COL14A1: variants seen among roughly 807,000 people sequenced by gnomAD.
COL14A1 encodes collagen type XIV alpha 1 chain, also known as collagen alpha-1(XIV) chain.
A neutral mutation model predicts 230.3 loss-of-function variants in COL14A1; 136 were observed. The observed-to-expected ratio is 0.59, with a 90% CI of 0.51 to 0.68. COL14A1 has a LOEUF of 0.68. Among genes scored for constraint, COL14A1 ranks in the 30% least tolerant of loss-of-function variants. The pLI, the probability that COL14A1 is intolerant of heterozygous loss-of-function variation, is 0.00. For synonymous variants in COL14A1, 792 were observed against 784.1 expected (o/e 1.01, Z -0.17); for missense variants, 1,976 against 2,215.8 (o/e 0.89, Z 2.17).
At chr8:120,207,333 A>G (rs1283798854) in intron 10 of COL14A1, among the ~76,000 whole-genome samples, 3 of 152,196 alleles carry the variant, frequency 2.0e-5, no homozygotes, top group Non-Finnish European at 2.9e-5. Context: ...TTCTAACACA[A>G]CGTATTTTTC....
At position 120,266,924 on chromosome 8, in the gene COL14A1, G is replaced by A. The variant is rs1364056524; in HGVS notation, c.3073+41G>A. On this transcript the variant is annotated intron_variant, in intron 25 of 47. Transcript: ENST00000297848. The stretch of plus-strand genomic sequence containing the variant: ...AATAATTATCTGATTCTAGGTTTAG[G>A]ATTTGTGTTGGTTTTGTTTGCCTGT... 5 of 1,538,692 alleles carry A rather than the reference G, an allele frequency of 3.2e-6. No homozygotes were observed. The Admixed American group carries it at 6.7e-5, about 21-fold the overall frequency.
intron 2 of COL14A1, among the ~76,000 whole-genome samples, chr8:120,157,724 G>T (rs1815525712): frequency 6.6e-6 from 1 of 152,180 alleles, no homozygotes; most frequent in Non-Finnish European, 1.5e-5. Context: ...GGTGGCTTAT[G>T]CCTGTAATCC....
chr8:120,198,502 T>C (rs1459252076), intron 7 of COL14A1, among the ~76,000 whole-genome samples: 1 of 152,128 alleles, frequency 6.6e-6, no homozygotes, highest in African/African-American at 2.4e-5. Flanking sequence ...ATTTTCACCT[T>C]GAGACATGCT....
intron 11 of COL14A1, among the ~76,000 whole-genome samples, chr8:120,209,404 TA>T (rs1817549842): frequency 6.6e-6 from 1 of 151,654 alleles, no homozygotes; most frequent in African/African-American, 2.4e-5. Flanking sequence ...TTTAGTGTAG[TA>T]GGGGGTGGGG....
At chr8:120,210,311 T>C (rs555429050) in intron 12 of COL14A1, among the ~76,000 whole-genome samples, 52 of 152,330 alleles carry the variant, frequency 3.4e-4, no homozygotes, top group African/African-American at 1.2e-3. Context: ...TCCTAACATA[T>C]GTTTTTGCAT....
In COL14A1 at chr8:120,272,910, C is replaced by G. The variant is rs1449757888; in HGVS notation, c.3213+2736C>G. 2.6e-5 allele frequency among the ~76,000 whole-genome samples: 4 copies of G among 151,654 alleles called. No individual in the cohort carries two copies. The East Asian group carries it at 7.8e-4, about 29-fold the overall frequency. Reference sequence around the variant, plus strand: ...TCAAGACAGAGAATCAACAAAGAAGCAATGGTCTCAAACTACACTCTAGAA... The same window carrying G: ...TCAAGACAGAGAATCAACAAAGAAGGAATGGTCTCAAACTACACTCTAGAA... On this transcript the variant is annotated intron_variant, in intron 26 of 47. Coordinates refer to ENST00000297848, the MANE Select transcript of COL14A1 (RefSeq NM_021110.4).
At chr8:120,363,925 C>T (rs1023875269) in intron 45 of COL14A1, among the ~76,000 whole-genome samples, 3 of 152,090 alleles carry the variant, frequency 2.0e-5, no homozygotes, top group South Asian at 2.1e-4. Context: ...GGGATATAGC[C>T]GTGGAATAAG....
chr8:120,199,280 G>T, intron 7 of COL14A1, 122 bp from the exon 8 acceptor site: 1 of 813,474 alleles, frequency 1.2e-6, no homozygotes. Flanking sequence ...CAAAAATGAA[G>T]ATTTGCATGT....
intron 28 of COL14A1, among the ~76,000 whole-genome samples, chr8:120,279,624 A>G (rs1019044741): frequency 2.0e-5 from 3 of 151,968 alleles, no homozygotes; most frequent in Admixed American, 6.6e-5. Context: ...AAATGTTAAA[A>G]GTAACTTTTA....
intron 40 of COL14A1, 47 bp downstream of exon 40, chr8:120,316,044 C>T: frequency 5.7e-6 from 9 of 1,579,496 alleles, no homozygotes; most frequent in Non-Finnish European, 7.8e-6. Flanking sequence ...GTGACCTTTT[C>T]ACCAGGTCAC....
At chr8:120,261,207 A>T (rs567940709) in intron 23 of COL14A1, among the ~76,000 whole-genome samples, 2 of 152,290 alleles carry the variant, frequency 1.3e-5, no homozygotes, top group Admixed American at 1.3e-4. Flanking sequence ...TATCACACAA[A>T]CCCCCAAAAT....
Position 120,279,957 on chromosome 8 carries a change from T to A in COL14A1, c.3504T>A (p.Gly1168=), listed in dbSNP as rs1186830782. 2 of 1,613,606 alleles carry A rather than the reference T, an allele frequency of 1.2e-6. No individual in the cohort carries two copies. The highest frequency in any genetic ancestry group is 1.7e-6 in the Non-Finnish European group (2 of 1,179,772). Residue 1168 remains glycine, a synonymous_variant, in exon 29 of 48, where the codon GGT becomes GGA. Coordinates refer to ENST00000297848, the MANE Select transcript of COL14A1 (RefSeq NM_021110.4). The part of the protein sequence containing the change: ...QLDGYSIFAI[G]VADADYSELV... ...CAGGCTATAGCATTTTTGCAATTGGTGTGGCCGATGCAGATTACTCGGAGT... is the reference window on the plus strand; with the variant it reads ...CAGGCTATAGCATTTTTGCAATTGGAGTGGCCGATGCAGATTACTCGGAGT...
intron 5 of COL14A1, among the ~76,000 whole-genome samples, chr8:120,193,013 A>C (rs1586753330): frequency 6.6e-6 from 1 of 152,068 alleles, no homozygotes; most frequent in Non-Finnish European, 1.5e-5. Context: ...AGCTCGGAGT[A>C]ATTTGATCGT....
At chr8:120,291,737 T>C (rs541399733) in intron 34 of COL14A1, among the ~76,000 whole-genome samples, 1 of 152,180 alleles carries the variant, frequency 6.6e-6, no homozygotes, top group South Asian at 2.1e-4. Context: ...ACTATTATTA[T>C]TGAAGAAAGT....
intron 23 of COL14A1, among the ~76,000 whole-genome samples, chr8:120,259,686 A>G (rs1411077303): frequency 3.9e-5 from 6 of 152,174 alleles, no homozygotes; most frequent in African/African-American, 2.4e-5. Flanking sequence ...TCTGTTTTCA[A>G]GGGTCTTTAA....
chr8:120,227,208 AAT>A lies in COL14A1; in HGVS notation c.2005-7_2005-6del. The A allele has an allele frequency of 2.5e-6, 4 of 1,613,210 alleles. No homozygotes were observed. The highest frequency in any genetic ancestry group is 3.4e-6 in the Non-Finnish European group (4 of 1,179,722). The stretch of plus-strand genomic sequence containing the variant: ...AATAAGCATAGTTACTAAGCACCAA[AAT>A]ATATTTCAGGTTGTCCTGAAAGAAG... On this transcript the variant is annotated splice_polypyrimidine_tract_variant and intron_variant, in intron 16 of 47. Transcript: ENST00000297848.
intron 4 of COL14A1, among the ~76,000 whole-genome samples, chr8:120,163,025 G>T (rs118029141): frequency 6.6e-6 from 1 of 152,112 alleles, no homozygotes; most frequent in Non-Finnish European, 1.5e-5. Flanking sequence ...TATAATGGGC[G>T]CTCCATGAAT....
intron 1 of COL14A1, among the ~76,000 whole-genome samples, chr8:120,131,821 TC>T (rs1814536544): frequency 6.6e-6 from 1 of 150,596 alleles, no homozygotes; most frequent in African/African-American, 2.4e-5. Context: ...TAGGTTTTCT[TC>T]CTTTTTTCTT....
At chr8:120,167,426 A>G (rs1815941127) in intron 4 of COL14A1, among the ~76,000 whole-genome samples, 1 of 152,218 alleles carries the variant, frequency 6.6e-6, no homozygotes, top group African/African-American at 2.4e-5. Context: ...TGCAGAGACC[A>G]CTGACATTTG....
Sources: gnomAD v4.1 joint callset for allele counts (sites outside exome capture counted in the v4.1 genomes callset) on GRCh38, gnomAD v4.1.1 for gene constraint, MANE v1.5 for transcripts, NCBI Gene and HGNC (gene_info 2026-07-23, HGNC 2026-07-21) for gene names.